MYH1: variants seen among roughly 807,000 people sequenced by gnomAD.
The protein encoded by MYH1 is myosin heavy chain 1.
A neutral mutation model predicts 225.6 loss-of-function variants in MYH1; 214 were observed. The ratio of observed to expected loss-of-function variants is 0.95; its 90% CI spans 0.85 to 1.06. MYH1 has a LOEUF of 1.06. MYH1 is among the 50% of genes least tolerant of loss of function. MYH1 has a pLI of 0.00. For missense variants in MYH1, 2,098 were observed against 2,344.2 expected, an observed-to-expected ratio of 0.89 and a Z score of 2.17; for synonymous variants, 774 against 842.3, an observed-to-expected ratio of 0.92 and a Z score of 1.40.
At chr17:10,516,401 G>A in intron 3 of MYH1, 38 bp downstream of exon 3, 2 of 1,614,172 alleles carry the variant, frequency 1.2e-6, no homozygotes, top group Non-Finnish European at 1.7e-6. Flanking sequence ...AACCCAAAAT[G>A]AGGCAGAGTC....
At position 10,498,661 on chromosome 17, in the gene MYH1, A is replaced by G. The variant is rs2142258966; in HGVS notation, c.4146T>C (p.Asp1382=). Residue 1382 remains aspartate, a synonymous_variant, in exon 30 of 40, where the codon GAT becomes GAC. Transcript: ENST00000226207. ...CCAGCTCCTCTGTGCGCTGGATGGC[A>G]TCTGTCTCATATTTGGTCCTCCACT... The part of the protein sequence containing the change: ...VAQWRTKYET[D]AIQRTEELEE... 6.2e-7 allele frequency: 1 copy of G among 1,614,016 alleles called. No homozygotes were observed. The highest frequency in any genetic ancestry group is 8.5e-7 in the Non-Finnish European group (1 of 1,179,888).
intron 17 of MYH1, 71 bp from the exon 18 acceptor site, chr17:10,506,170 A>G (rs2073110889): frequency 1.3e-6 from 2 of 1,574,336 alleles, no homozygotes; most frequent in South Asian, 1.1e-5. Flanking sequence ...AGACATAATT[A>G]TTGAGATCTA....
Position 10,497,171 on chromosome 17 carries a change from T to C in MYH1, c.4554A>G (p.Glu1518=). 6.2e-7 allele frequency: 1 copy of C among 1,613,458 alleles called. No individual in the cohort carries two copies. The highest frequency in any genetic ancestry group is 8.5e-7 in the Non-Finnish European group (1 of 1,179,888). ...NLQQEISDLT[E]QIAEGGKRIH... is the part of the protein sequence containing the mutation. ...TGCGCTTTCCTCCTTCTGCAATCTG[T>C]TCAGTGAGATCAGAAATCTCCTCTG... The change falls in exon 33 of 40, where the codon GAA becomes GAG. Residue 1518 remains glutamate, a synonymous_variant. Transcript: ENST00000226207.
At chr17:10,518,109 G>A (rs1007555220) in intron 2 of MYH1, 131 bp downstream of exon 2, 7 of 151,928 alleles carry the variant, frequency 4.6e-5, no homozygotes, top group African/African-American at 1.2e-4. Context: ...TAAGAGAAGC[G>A]TGATCAACCA....
chr17:10,506,173 G>C, intron 17 of MYH1, 74 bp from the exon 18 acceptor site: 1 of 1,565,532 alleles, frequency 6.4e-7, no homozygotes, highest in East Asian at 2.2e-5. Context: ...CATAATTATT[G>C]AGATCTATGA....
chr17:10,494,332 C>T, intron 39 of MYH1, 22 bp downstream of exon 39: 5 of 1,607,916 alleles, frequency 3.1e-6, no homozygotes, highest in Non-Finnish European at 4.2e-6. Context: ...AGAAAAATCA[C>T]CCCAAGGGGT....
Position 10,512,642 on chromosome 17 carries a change from G to A in MYH1, c.1008+39C>T, listed in dbSNP as rs771787665. On this transcript the variant is annotated intron_variant, in intron 11 of 39. Coordinates refer to ENST00000226207, the MANE Select transcript of MYH1 (RefSeq NM_005963.4). ...AGATGGCTGTTATTGCCATTCCCAT[G>A]CATAATGGATTTTAAATTAAAATTC... 3.7e-6 allele frequency: 6 copies of A among 1,610,350 alleles called. No homozygotes were observed. The African/African-American group carries it at 6.7e-5, about 18-fold the overall frequency.
At position 10,511,967 on chromosome 17, in the gene MYH1, G is replaced by T; in HGVS notation, c.1288C>A (p.Leu430Met). The stretch of plus-strand genomic sequence containing the variant: ...ATCTTATCGTAGACAGCTTTGGCCA[G>T]AGCACCCACTGCATTGTACACCTTC... ...VQQVYNAVGA[L>M]AKAVYDKMFL... Residue 430 changes from leucine (L) to methionine (M), a missense_variant, in exon 14 of 40, where the codon CTG becomes ATG. Transcript: ENST00000226207. 6.2e-7 allele frequency: 1 copy of T among 1,614,178 alleles called. No homozygotes were observed. The highest frequency in any genetic ancestry group is 8.5e-7 in the Non-Finnish European group (1 of 1,180,028).
chr17:10,516,702 A>G lies in MYH1; in HGVS notation c.-40-20T>C. The G allele has an allele frequency of 1.3e-6, 2 of 1,584,608 alleles. No individual in the cohort carries two copies. Among genetic ancestry groups the G allele is most frequent in the Non-Finnish European group, 1.7e-6 (2 of 1,162,788 alleles). On this transcript the variant is annotated intron_variant, in intron 2 of 39. Coordinates refer to ENST00000226207, the MANE Select transcript of MYH1 (RefSeq NM_005963.4). ...CCCTGGCTGGGAGAGGAAGAAAAGA[A>G]ATTGTAGAAATTAAGAAACTGGACC...
Position 10,505,943 on chromosome 17 carries a change from T to G in MYH1, c.2057-14A>C. ...GCTCCATGGCACCTAAAAGAATGAATCCACATGCCATACTTCGTGGTCTAT... is the reference window on the plus strand; with the variant it reads ...GCTCCATGGCACCTAAAAGAATGAAGCCACATGCCATACTTCGTGGTCTAT... On this transcript the variant is annotated splice_polypyrimidine_tract_variant and intron_variant, in intron 18 of 39. Transcript: ENST00000226207. 6.2e-7 allele frequency: 1 copy of G among 1,614,082 alleles called. No individual in the cohort carries two copies. Among genetic ancestry groups the G allele is most frequent in the Non-Finnish European group, 8.5e-7 (1 of 1,180,014 alleles).
At chr17:10,492,661 G>A (rs2072946909) in intron 39 of MYH1, 93 bp from the exon 40 acceptor site, 1 of 1,345,710 alleles carries the variant, frequency 7.4e-7, no homozygotes, top group South Asian at 1.5e-5. Context: ...ACTTAAAAAT[G>A]ATTCACTCTA....
intron 33 of MYH1, among the ~76,000 whole-genome samples, chr17:10,496,817 A>G (rs540861951): frequency 1.3e-5 from 2 of 152,284 alleles, no homozygotes; most frequent in East Asian, 3.9e-4. Flanking sequence ...TTGATTTTAT[A>G]TGCTTTTATC....
chr17:10,498,454 A>G (rs1412078097), intron 30 of MYH1, among the ~76,000 whole-genome samples, 172 bp downstream of exon 30: 2 of 152,222 alleles, frequency 1.3e-5, no homozygotes, highest in East Asian at 1.9e-4. Context: ...TCCCACATCA[A>G]TATACATTTT....
intron 14 of MYH1, among the ~76,000 whole-genome samples, chr17:10,510,818 A>T (rs1271843017): frequency 1.3e-5 from 2 of 152,128 alleles, no homozygotes; most frequent in Admixed American, 1.3e-4. Context: ...TCCTGTTGGG[A>T]TGATGAAAAT....
In MYH1 at chr17:10,495,068, GT is replaced by G; in HGVS notation, c.5328del (p.Glu1776AspfsTer11). ...CGCTCCAGATGGGCGCTGGTGTCCT[GT>G]TCCTTCTTCAGCTCCTCAGCCATCA... ...AAMMAEELKK[E>X]QDTSAHLERM... On this transcript the variant is annotated frameshift_variant, in exon 37 of 40. Transcript: ENST00000226207. LOFTEE classifies it high-confidence loss of function. The G allele has an allele frequency of 6.2e-7, 1 of 1,614,238 alleles. No individual in the cohort carries two copies. Among genetic ancestry groups the G allele is most frequent in the East Asian group, 2.2e-5 (1 of 44,888 alleles).
At chr17:10,500,511 G>T in intron 28 of MYH1, 115 bp downstream of exon 28, 1 of 1,470,958 alleles carries the variant, frequency 6.8e-7, no homozygotes, top group African/African-American at 1.4e-5. Context: ...CATATTAGTG[G>T]GGATCTCCCA....
Position 10,495,251 on chromosome 17 carries a change from C to T in MYH1, c.5236G>A (p.Glu1746Lys). ...TDISQIQGEM[E>K]DIIQEARNAE... is the part of the protein sequence containing the mutation. Reference sequence around the variant, plus strand: ...TTGCGGGCTTCCTGGATGATGTCTTCCATCTCTCCCTGGATTTGGGAAATG... The same window carrying T: ...TTGCGGGCTTCCTGGATGATGTCTTTCATCTCTCCCTGGATTTGGGAAATG... The change falls in exon 36 of 40, where the codon GAA becomes AAA. Residue 1746 changes from glutamate (E) to lysine (K), a missense_variant. Coordinates refer to ENST00000226207, the MANE Select transcript of MYH1 (RefSeq NM_005963.4). 3 of 1,614,192 alleles carry T rather than the reference C, an allele frequency of 1.9e-6. No individual in the cohort carries two copies. The highest frequency in any genetic ancestry group is 2.5e-6 in the Non-Finnish European group (3 of 1,180,050).
chr17:10,497,797 A>T lies in MYH1; in HGVS notation c.4302T>A (p.Ile1434=). The T allele has an allele frequency of 6.2e-7, 1 of 1,614,152 alleles. No homozygotes were observed. Among genetic ancestry groups the T allele is most frequent in the South Asian group, 1.1e-5 (1 of 91,052 alleles). ...AGGCAGCATTTGTCCTCTCAACATCAATCATGAGGTCCTCAACTTCATTCT... is the reference window on the plus strand; with the variant it reads ...AGGCAGCATTTGTCCTCTCAACATCTATCATGAGGTCCTCAACTTCATTCT... ...RLQNEVEDLM[I]DVERTNAACA... is the part of the protein sequence containing the mutation. Residue 1434 remains isoleucine (I), a synonymous_variant, in exon 31 of 40, where the codon ATT becomes ATA. Transcript: ENST00000226207.
chr17:10,498,591 C>G, intron 30 of MYH1, 35 bp downstream of exon 30: 1 of 1,613,530 alleles, frequency 6.2e-7, no homozygotes. Context: ...AGCAAGGAAA[C>G]TTATAGTTCC....
Sources: allele counts gnomAD v4.1 joint callset (sites outside exome capture counted in the v4.1 genomes callset), GRCh38; gene constraint gnomAD v4.1.1; transcripts MANE v1.5; gene names NCBI Gene and HGNC (gene_info 2026-07-23, HGNC 2026-07-21).